Variants in DPP6 observed in about 807,000 individuals in gnomAD.
The protein encoded by DPP6 is dipeptidyl peptidase like 6, also known as A-type potassium channel modulatory protein DPP6.
A neutral mutation model predicts 122.6 loss-of-function variants in DPP6; 69 were observed. That is an observed-to-expected ratio of 0.56 (90% CI 0.46 to 0.69). The LOEUF (loss-of-function observed/expected upper bound fraction) is 0.69, where lower values mean the gene tolerates loss of function less well. Ranked by LOEUF, DPP6 falls within the 30% of genes least tolerant of loss-of-function variation. The pLI, the probability that DPP6 is intolerant of heterozygous loss-of-function variation, is 0.00. For synonymous variants in DPP6, 418 were observed against 433.1 expected (o/e 0.97, Z 0.43); for missense variants, 928 against 1,116.9 (o/e 0.83, Z 2.41).
At chr7:154,874,643 C>A (rs1000663849) in intron 19 of DPP6, among the ~76,000 whole-genome samples, 1 of 152,218 alleles carries the variant, frequency 6.6e-6, no homozygotes, top group Admixed American at 6.5e-5. Context: ...CCTGCCCCCA[C>A]CCCACTCCTC....
At chr7:154,387,586 T>C (rs1814229142) in intron 1 of DPP6, among the ~76,000 whole-genome samples, 2 of 152,206 alleles carry the variant, frequency 1.3e-5, no homozygotes, top group Admixed American at 6.5e-5. Flanking sequence ...GCTTTTACCA[T>C]GTAGGGTCCC....
intron 1 of DPP6, among the ~76,000 whole-genome samples, chr7:154,400,317 T>C (rs1815461990): frequency 6.6e-6 from 1 of 152,132 alleles, no homozygotes; most frequent in Admixed American, 6.5e-5. Flanking sequence ...GTGGAGTTCC[T>C]CTGAGGGAGG....
At chr7:154,044,680 G>A (rs1223648386) in intron 1 of DPP6, among the ~76,000 whole-genome samples, 1 of 152,162 alleles carries the variant, frequency 6.6e-6, no homozygotes, top group Non-Finnish European at 1.5e-5. Flanking sequence ...CTTAAGTGAC[G>A]GTGAAAAATA....
chr7:153,964,196 A>G (rs28711624), intron 1 of DPP6, among the ~76,000 whole-genome samples: 8,425 of 151,956 alleles, frequency 0.055, 791 homozygotes, highest in African/African-American at 0.19. Flanking sequence ...GGGTTTCACC[A>G]TGTTGATCAA....
intron 1 of DPP6, among the ~76,000 whole-genome samples, chr7:154,256,829 C>G (rs142016780): frequency 6.6e-6 from 1 of 152,250 alleles, no homozygotes; most frequent in African/African-American, 2.4e-5. Context: ...AGATGTCAGC[C>G]TGAGATTCTG....
rs1404585059 is a variant in DPP6, at chr7:154,821,239, A to G, written c.1666+14127A>G. 6.6e-6 allele frequency among the ~76,000 whole-genome samples: 1 copy of G among 152,162 alleles called. No individual in the cohort carries two copies. The highest frequency in any genetic ancestry group is 1.5e-5 in the Non-Finnish European group (1 of 68,012). Reference sequence around the variant, plus strand: ...GTGTGGCATATGTGGGTAGGTCTTTATAGCACACATTTTTAATCTTTTTCC... The same window carrying G: ...GTGTGGCATATGTGGGTAGGTCTTTGTAGCACACATTTTTAATCTTTTTCC... On this transcript the variant is annotated intron_variant, in intron 16 of 25. Coordinates refer to ENST00000377770, the MANE Select transcript of DPP6 (RefSeq NM_130797.4). The surrounding 1 kb of genome is among the most constrained non-coding windows in gnomAD (Gnocchi z 4.2).
chr7:154,536,748 G>T (rs10276300), intron 3 of DPP6, among the ~76,000 whole-genome samples: 31,600 of 151,936 alleles, frequency 0.21, 4,344 homozygotes, highest in African/African-American at 0.4. Flanking sequence ...AACTCATCAG[G>T]GGACACATAA....
At chr7:154,443,098 T>G (rs1819524520) in intron 1 of DPP6, among the ~76,000 whole-genome samples, 1 of 152,182 alleles carries the variant, frequency 6.6e-6, no homozygotes, top group South Asian at 2.1e-4. Flanking sequence ...CTCTGGCCAC[T>G]GCCTCCTTGC....
At chr7:154,891,798 C>G (rs1033563800) in intron 25 of DPP6, among the ~76,000 whole-genome samples, 1 of 152,136 alleles carries the variant, frequency 6.6e-6, no homozygotes, top group Non-Finnish European at 1.5e-5. Context: ...GTTGGCCAGG[C>G]TGGTCTCGAA....
chr7:154,060,689 C>G, intron 1 of DPP6, among the ~76,000 whole-genome samples: 1 of 148,522 alleles, frequency 6.7e-6, no homozygotes, highest in African/African-American at 2.5e-5. Flanking sequence ...CCCTCTTCCG[C>G]CCCTGGCTGT....
chr7:154,433,657 T>C (rs77848923), intron 1 of DPP6, among the ~76,000 whole-genome samples: 2,723 of 152,316 alleles, frequency 0.018, 29 homozygotes, highest in East Asian at 0.031. Context: ...ACACTCCTCA[T>C]AATGTCAATT....
At chr7:154,379,182 A>C (rs1026549214) in intron 1 of DPP6, among the ~76,000 whole-genome samples, 5 of 152,188 alleles carry the variant, frequency 3.3e-5, no homozygotes, top group Admixed American at 6.5e-5. Flanking sequence ...AGGTGCCTCC[A>C]TAAAAGGTCA....
intron 1 of DPP6, among the ~76,000 whole-genome samples, chr7:154,284,852 C>T (rs1235285178): frequency 2.6e-5 from 4 of 152,120 alleles, no homozygotes; most frequent in African/African-American, 4.8e-5. Context: ...GAGACTTCAT[C>T]TCAAAACAAA....
chr7:154,428,661 C>T (rs1818106444), intron 1 of DPP6, among the ~76,000 whole-genome samples: 1 of 152,210 alleles, frequency 6.6e-6, no homozygotes, highest in African/African-American at 2.4e-5. Context: ...TGGAATACTA[C>T]TCAGCCATAA....
At chr7:153,853,002 AC>A in the DPP6 span, among the ~76,000 whole-genome samples, 2 of 152,098 alleles carry the variant, frequency 1.3e-5, no homozygotes. Context: ...CTCCTGGTCA[AC>A]CCCAGCCATT....
intron 4 of DPP6, among the ~76,000 whole-genome samples, chr7:154,541,596 C>T (rs1828735085): frequency 6.6e-6 from 1 of 152,166 alleles, no homozygotes; most frequent in African/African-American, 2.4e-5. Context: ...AAATCTCCAA[C>T]TCAAAGCAGT....
chr7:154,144,561 T>A (rs1795999378), intron 1 of DPP6, among the ~76,000 whole-genome samples: 1 of 149,290 alleles, frequency 6.7e-6, no homozygotes, highest in South Asian at 2.1e-4. Flanking sequence ...TAAGAGTCAA[T>A]GAAATGGGGG....
intron 2 of DPP6, among the ~76,000 whole-genome samples, chr7:154,465,798 T>A (rs996992883): frequency 2.0e-5 from 3 of 152,186 alleles, no homozygotes; most frequent in Non-Finnish European, 4.4e-5. Context: ...AGACAGTGTG[T>A]TGATTCCTCA....
chr7:154,180,525 T>G (rs181722910), intron 1 of DPP6, among the ~76,000 whole-genome samples: 3,198 of 144,530 alleles, frequency 0.022, 104 homozygotes, highest in African/African-American at 0.073. Flanking sequence ...TATAAATATA[T>G]AGAGAGTATA....
Sources: gnomAD v4.1 joint callset for allele counts (sites outside exome capture counted in the v4.1 genomes callset) on GRCh38, gnomAD v4.1.1 for gene constraint, Gnocchi (gnomAD v3.1) non-coding constraint, MANE v1.5 for transcripts, NCBI Gene and HGNC (gene_info 2026-07-23, HGNC 2026-07-21) for gene names.